The following ANKRD12 variants were observed in gnomAD, a reference collection of about 807,000 sequenced individuals.
ANKRD12 encodes the protein ankyrin repeat domain-containing protein 12.
Under a neutral mutation model 183.4 loss-of-function variants are expected in ANKRD12, and 85 were observed. That is an observed-to-expected ratio of 0.46 (90% confidence interval 0.39 to 0.56). The LOEUF (loss-of-function observed/expected upper bound fraction) is 0.56. ANKRD12 is among the 20% of genes least tolerant of loss of function. The pLI is 0.00. For missense variants in ANKRD12, 2,405 were observed against 2,357.1 expected, an observed-to-expected ratio of 1.02 and a Z score of -0.42; for synonymous variants, 914 against 800.2, an observed-to-expected ratio of 1.14 and a Z score of -2.40.
At position 9,182,372 on chromosome 18, in the gene ANKRD12, T is replaced by C; in HGVS notation, c.-51-10T>C. ...TATTCAAATAACCCTTATATATCTATTCTTTACAGATCCAGGATGAGAAGA... is the reference window on the plus strand; with the variant it reads ...TATTCAAATAACCCTTATATATCTACTCTTTACAGATCCAGGATGAGAAGA... On this transcript the variant is annotated splice_polypyrimidine_tract_variant and intron_variant, in intron 1 of 12. Coordinates refer to ENST00000262126, the MANE Select transcript of ANKRD12 (RefSeq NM_015208.5). The C allele has an allele frequency of 8.8e-7, 1 of 1,136,536 alleles. No homozygotes were observed. The highest frequency in any genetic ancestry group is 1.3e-6 in the Non-Finnish European group (1 of 776,880). The allele number at this position is 1,136,536 out of a possible 1,614,324, so 70.4% of individuals were successfully genotyped here.
intron 11 of ANKRD12, among the ~76,000 whole-genome samples, chr18:9,279,285 T>C (rs777882525): frequency 3.9e-5 from 6 of 152,200 alleles, no homozygotes; most frequent in Non-Finnish European, 8.8e-5. Flanking sequence ...ACATGCCTTT[T>C]TGAGAAATGT....
intron 8 of ANKRD12, among the ~76,000 whole-genome samples, chr18:9,223,380 C>T (rs1459339362): frequency 6.6e-5 from 10 of 151,882 alleles, no homozygotes; most frequent in Admixed American, 3.3e-4. Context: ...CAGCCTCCCC[C>T]GAGTAGCTGG....
chr18:9,187,602 AG>A, intron 2 of ANKRD12, among the ~76,000 whole-genome samples: 1 of 152,342 alleles, frequency 6.6e-6, no homozygotes, highest in Non-Finnish European at 1.5e-5. Flanking sequence ...TTTTATGTAA[AG>A]TCCTCTCATT....
intron 8 of ANKRD12, among the ~76,000 whole-genome samples, chr18:9,222,553 G>T (rs1448257889): frequency 6.6e-6 from 1 of 151,454 alleles, no homozygotes; most frequent in African/African-American, 2.4e-5. Context: ...TTATATAAAA[G>T]GGGTTTACCA....
In ANKRD12 at chr18:9,255,042, C is replaced by A; in HGVS notation, c.1775C>A (p.Pro592Gln). The stretch of plus-strand genomic sequence containing the variant: ...GATAATACAGAATCTGAATTCTTGC[C>A]AGAAAGTTCAAGTGTAAAATCTTGT... ...RYDNTESEFL[P>Q]ESSSVKSCKH... The change falls in exon 9 of 13, where the codon CCA (proline) becomes CAA (glutamine). Residue 592 changes from proline (P) to glutamine (Q), a missense_variant. Physicochemically the swap from Pro to Gln is moderately conservative, Grantham distance 76 (BLOSUM62 -1). Coordinates refer to ENST00000262126, the MANE Select transcript of ANKRD12 (RefSeq NM_015208.5). The A allele has an allele frequency of 6.3e-7, 1 of 1,591,872 alleles. No individual in the cohort carries two copies. Among genetic ancestry groups the A allele is most frequent in the Admixed American group, 1.8e-5 (1 of 54,976 alleles).
chr18:9,202,368 T>TA (rs1475634857), intron 3 of ANKRD12, among the ~76,000 whole-genome samples: 3 of 152,332 alleles, frequency 2.0e-5, no homozygotes, highest in Admixed American at 2.0e-4. Flanking sequence ...AACAGATAGA[T>TA]ATAATTTTTC....
At chr18:9,216,584 C>A (rs1383599166) in intron 6 of ANKRD12, among the ~76,000 whole-genome samples, 174 bp from the exon 7 acceptor site, 1 of 152,188 alleles carries the variant, frequency 6.6e-6, no homozygotes, top group East Asian at 1.9e-4. Flanking sequence ...CTTGAATGAA[C>A]CTTCAGTAAA....
chr18:9,183,237 T>C (rs1052354229), intron 2 of ANKRD12, among the ~76,000 whole-genome samples: 70 of 152,224 alleles, frequency 4.6e-4, no homozygotes, highest in African/African-American at 1.6e-3. Context: ...CATGATTTCA[T>C]ATAAATTTTA....
chr18:9,138,913 A>G (rs1331763596), intron 1 of ANKRD12, among the ~76,000 whole-genome samples: 2 of 152,224 alleles, frequency 1.3e-5, no homozygotes, highest in Non-Finnish European at 2.9e-5. Context: ...GCTAAGGTCA[A>G]GTTTAACTCG....
At chr18:9,150,194 T>C (rs2078640043) in intron 1 of ANKRD12, among the ~76,000 whole-genome samples, 1 of 152,202 alleles carries the variant, frequency 6.6e-6, no homozygotes, top group East Asian at 1.9e-4. Flanking sequence ...GAATCCTTTG[T>C]TTACTGGATT....
At chr18:9,185,256 C>G (rs1324072760) in intron 2 of ANKRD12, among the ~76,000 whole-genome samples, 1 of 152,040 alleles carries the variant, frequency 6.6e-6, no homozygotes. Flanking sequence ...GTCAGTGAGT[C>G]AGGAGGGAAG....
chr18:9,233,361 A>AT (rs1206801573), intron 8 of ANKRD12, among the ~76,000 whole-genome samples: 2 of 151,950 alleles, frequency 1.3e-5, no homozygotes, highest in Admixed American at 6.6e-5. Context: ...GAATTCTCTT[A>AT]TATCTCACTG....
chr18:9,241,069 G>C (rs1273414623), intron 8 of ANKRD12, among the ~76,000 whole-genome samples: 1 of 152,138 alleles, frequency 6.6e-6, no homozygotes, highest in African/African-American at 2.4e-5. Context: ...AAATGTACCA[G>C]AATTTTTTAT....
rs766459384 is a variant in ANKRD12, at chr18:9,258,054, C to T, written c.4787C>T (p.Ala1596Val). The change falls in exon 9 of 13, where the codon GCC (alanine) becomes GTC (valine). Residue 1596 changes from alanine (A) to valine (V), a missense_variant. Ala to Val is a moderately conservative substitution (Grantham distance 64). Transcript: ENST00000262126. The stretch of plus-strand genomic sequence containing the variant: ...GAAAAGGACTTTAATGGAAGTGATG[C>T]CTCTACCCAGCTAAATACACATTAT... ...PSEKDFNGSD[A>V]STQLNTHYAF... 15 of 1,613,348 alleles carry T rather than the reference C, an allele frequency of 9.3e-6. No homozygotes were observed. Among genetic ancestry groups the T allele is most frequent in the Non-Finnish European group, 1.3e-5 (15 of 1,179,954 alleles).
intron 4 of ANKRD12, among the ~76,000 whole-genome samples, chr18:9,207,864 C>T (rs903786672): frequency 6.6e-6 from 1 of 152,128 alleles, no homozygotes; most frequent in African/African-American, 2.4e-5. Context: ...AGAAGTCTTA[C>T]AGAAAAGACA....
chr18:9,145,554 G>A (rs1038411970), intron 1 of ANKRD12, among the ~76,000 whole-genome samples: 4 of 152,142 alleles, frequency 2.6e-5, no homozygotes, highest in Non-Finnish European at 5.9e-5. Context: ...GTAAAGACAC[G>A]AATCATTCTG....
Position 9,256,321 on chromosome 18 carries a change from TA to T in ANKRD12, c.3060del (p.Asp1021IlefsTer4). ...AAACTCCAGATGGAAAAGAAAAAGA[TA>T]AAAAAGATAAAGATATAGATAGATA... Reference protein sequence around the residue: ...LKTPDGKEKDKKDKDIDRYKE... With the variant: ...LKTPDGKEKDXKDKDIDRYKE... On this transcript the variant is annotated frameshift_variant, in exon 9 of 13. Transcript: ENST00000262126. LOFTEE classifies it high-confidence loss of function. 1 of 1,588,906 alleles carries T rather than the reference TA, an allele frequency of 6.3e-7. No homozygotes were observed. Among genetic ancestry groups the T allele is most frequent in the Non-Finnish European group, 8.5e-7 (1 of 1,170,058 alleles).
chr18:9,215,062 T>G (rs1377480845), intron 6 of ANKRD12, among the ~76,000 whole-genome samples: 1 of 152,112 alleles, frequency 6.6e-6, no homozygotes, highest in East Asian at 1.9e-4. Flanking sequence ...GAGAAGTGGC[T>G]TCAGTCCACT....
At chr18:9,179,245 T>C (rs182190454) in intron 1 of ANKRD12, among the ~76,000 whole-genome samples, 111 of 152,300 alleles carry the variant, frequency 7.3e-4, no homozygotes, top group South Asian at 1.2e-3. Context: ...CTTTCCAAGT[T>C]GTATGCCTTT....
Sources: gnomAD v4.1 joint callset for allele counts (sites outside exome capture counted in the v4.1 genomes callset) on GRCh38, gnomAD v4.1.1 for gene constraint, MANE v1.5 for transcripts, NCBI Gene and HGNC (gene_info 2026-07-23, HGNC 2026-07-21) for gene names.